Variants in PDZRN3 observed in about 807,000 individuals in gnomAD.
PDZRN3 encodes E3 ubiquitin-protein ligase PDZRN3.
PDZRN3 carries 38 observed loss-of-function variants against 85.7 expected under a neutral mutation model. The observed-to-expected ratio is 0.44, with a 90% confidence interval of 0.34 to 0.58. PDZRN3 has a LOEUF of 0.58. PDZRN3 is among the 20% of genes least tolerant of loss of function. The probability of loss-of-function intolerance (pLI) is 0.01; values close to 1 mark genes in which losing one functional copy is unlikely to be tolerated. For missense variants in PDZRN3, 1,629 were observed against 1,506.4 expected (o/e 1.08, Z -1.35); for synonymous variants, 759 against 638.0 (o/e 1.19, Z -2.86).
intron 3 of PDZRN3, among the ~76,000 whole-genome samples, chr3:73,515,682 A>AT (rs1002560098): frequency 1.1e-4 from 16 of 152,208 alleles, no homozygotes; most frequent in Non-Finnish European, 1.9e-4. Flanking sequence ...TCTCAGCTCC[A>AT]TTTTTTCCTT....
At chr3:73,508,924 T>C (rs1270666815) in intron 3 of PDZRN3, among the ~76,000 whole-genome samples, 1 of 152,188 alleles carries the variant, frequency 6.6e-6, no homozygotes. Context: ...TGAGGTTCTA[T>C]TTATATATTA....
chr3:73,438,107 G>A (rs983514107), intron 3 of PDZRN3, among the ~76,000 whole-genome samples: 1 of 152,084 alleles, frequency 6.6e-6, no homozygotes, highest in African/African-American at 2.4e-5. Context: ...CACTCTTCTC[G>A]GGTGCTCTGC....
chr3:73,466,206 T>C (rs932288267), intron 3 of PDZRN3, among the ~76,000 whole-genome samples: 2 of 152,016 alleles, frequency 1.3e-5, no homozygotes, highest in South Asian at 4.1e-4. Context: ...GAAAACACAG[T>C]GTTAACAAGA....
At chr3:73,568,854 C>T (rs977724501) in intron 3 of PDZRN3, among the ~76,000 whole-genome samples, 3 of 152,228 alleles carry the variant, frequency 2.0e-5, no homozygotes, top group African/African-American at 7.2e-5. Context: ...CAAGGCAACA[C>T]AGTGGCCCAG....
In PDZRN3 at chr3:73,383,595, G is replaced by C. The variant is rs1576012653; in HGVS notation, c.2971C>G (p.Arg991Gly). 6.2e-7 allele frequency: 1 copy of C among 1,613,938 alleles called. No homozygotes were observed. Among genetic ancestry groups the C allele is most frequent in the South Asian group, 1.1e-5 (1 of 91,074 alleles). Reference protein sequence around the residue: ...HLVKAKEQRRRREFMMQSRLD... With the variant: ...HLVKAKEQRRGREFMMQSRLD... ...CTGCTCTGCATCATGAACTCGCGCC[G>C]CCGCCGCTGCTCCTTGGCCTTCACC... The change falls in exon 10 of 10, where the codon CGG (arginine) becomes GGG (glycine). Residue 991 changes from arginine to glycine, a missense_variant. Transcript: ENST00000263666.
At chr3:73,538,286 A>C (rs1240232819) in intron 3 of PDZRN3, among the ~76,000 whole-genome samples, 3 of 152,242 alleles carry the variant, frequency 2.0e-5, no homozygotes, top group Non-Finnish European at 2.9e-5. Flanking sequence ...ATTTTCTTGC[A>C]GAGAACACGC....
chr3:73,609,011 C>T (rs532293422), intron 1 of PDZRN3, among the ~76,000 whole-genome samples: 12 of 152,288 alleles, frequency 7.9e-5, no homozygotes, highest in Admixed American at 2.0e-4. Flanking sequence ...GCCCATCGTA[C>T]GCAGGCTGTC....
intron 3 of PDZRN3, among the ~76,000 whole-genome samples, chr3:73,411,131 G>A (rs900504642): frequency 2.6e-5 from 4 of 152,168 alleles, no homozygotes; most frequent in African/African-American, 9.7e-5. Context: ...TTTCTTGATA[G>A]GATAAAAATA....
intron 3 of PDZRN3, among the ~76,000 whole-genome samples, chr3:73,458,524 C>A (rs573944774): frequency 2.0e-5 from 3 of 148,456 alleles, no homozygotes; most frequent in Admixed American, 6.8e-5. Flanking sequence ...GTTTTCATGG[C>A]AAACTAGCAT....
rs1482742883 is a variant in PDZRN3, at chr3:73,382,446, T to G, written c.*919A>C. 1 of 152,452 alleles carries G rather than the reference T, an allele frequency of 6.6e-6. No homozygotes were observed. Among genetic ancestry groups the G allele is most frequent in the Non-Finnish European group, 1.5e-5 (1 of 68,034 alleles). The allele number at this position is 152,452 out of a possible 1,614,324, so 9.4% of individuals were successfully genotyped here. A position where few individuals can be genotyped will look rare whatever the true frequency, so the allele number is the denominator to read the frequency against. On this transcript the variant is annotated 3_prime_UTR_variant, in exon 10 of 10. Transcript: ENST00000263666. ...AAAAAAAGCAAACACTGCAAAAGGC[T>G]TTTATTTTATAGGCACCACTGCAAA...
At chr3:73,611,607 G>C (rs1422121277) in intron 1 of PDZRN3, among the ~76,000 whole-genome samples, 1 of 152,194 alleles carries the variant, frequency 6.6e-6, no homozygotes, top group Non-Finnish European at 1.5e-5. Flanking sequence ...TTCGACACAG[G>C]ATGCAGGGAG....
chr3:73,493,885 G>A (rs962277243), intron 3 of PDZRN3, among the ~76,000 whole-genome samples: 10 of 152,168 alleles, frequency 6.6e-5, no homozygotes, highest in African/African-American at 9.7e-5. Flanking sequence ...CAATCTTGGC[G>A]GTGCTAGGGG....
intron 3 of PDZRN3, among the ~76,000 whole-genome samples, chr3:73,465,154 A>T (rs1703187564): frequency 6.6e-6 from 1 of 152,200 alleles, no homozygotes; most frequent in African/African-American, 2.4e-5. Context: ...TGCTAAATGA[A>T]AGCACTCACA....
At chr3:73,465,174 G>T (rs1280082562) in intron 3 of PDZRN3, among the ~76,000 whole-genome samples, 1 of 152,098 alleles carries the variant, frequency 6.6e-6, no homozygotes. Context: ...AGGCAGAGTC[G>T]GTATAAAATC....
At chr3:73,533,692 G>A (rs1559726144) in intron 3 of PDZRN3, among the ~76,000 whole-genome samples, 1 of 152,250 alleles carries the variant, frequency 6.6e-6, no homozygotes, top group Non-Finnish European at 1.5e-5. Flanking sequence ...CATTTGAAGT[G>A]GGAGGGTCTT....
At chr3:73,527,213 GAC>G (rs1009391784) in intron 3 of PDZRN3, among the ~76,000 whole-genome samples, 18 of 152,154 alleles carry the variant, frequency 1.2e-4, no homozygotes, top group African/African-American at 4.3e-4. Flanking sequence ...GATGAAAGGA[GAC>G]AATATATGGA....
At chr3:73,400,376 T>C (rs1335055380) in intron 5 of PDZRN3, among the ~76,000 whole-genome samples, 1 of 152,260 alleles carries the variant, frequency 6.6e-6, no homozygotes, top group Non-Finnish European at 1.5e-5. Flanking sequence ...TGACATTATG[T>C]AGCATCTTGA....
intron 3 of PDZRN3, among the ~76,000 whole-genome samples, chr3:73,442,113 C>T (rs35877995): frequency 0.085 from 12,999 of 152,178 alleles, 632 homozygotes; most frequent in Middle Eastern, 0.18. Context: ...GCCAGGCTCC[C>T]AGCCACCCTG....
At chr3:73,403,221 C>A (rs1701789574) in intron 4 of PDZRN3, among the ~76,000 whole-genome samples, 2 of 152,198 alleles carry the variant, frequency 1.3e-5, no homozygotes, top group Admixed American at 1.3e-4. Context: ...GCTGGGATTA[C>A]AGGTGTGAGC....
Sources: gnomAD v4.1 joint callset for allele counts (sites outside exome capture counted in the v4.1 genomes callset) on GRCh38, gnomAD v4.1.1 for gene constraint, MANE v1.5 for transcripts, NCBI Gene and HGNC (gene_info 2026-07-23, HGNC 2026-07-21) for gene names.